The following SMIM20 variants were observed in gnomAD, a reference collection of about 807,000 sequenced individuals.
SMIM20 encodes small integral membrane protein 20.
In SMIM20, 3 loss-of-function variants were observed where a neutral mutation model predicts 8.7. The observed-to-expected ratio is 0.34, with a 90% CI of 0.16 to 0.89. The LOEUF (loss-of-function observed/expected upper bound fraction) is 0.89. Ranked by LOEUF, SMIM20 falls within the 40% of genes least tolerant of loss-of-function variation. The pLI is 0.49. For missense variants in SMIM20, 85 were observed against 84.8 expected (o/e 1.00, Z -0.01); for synonymous variants, 44 against 33.6 (o/e 1.31, Z -1.07).
At chr4:25,924,857 GA>G (rs1719258732) in intron 1 of SMIM20, among the ~76,000 whole-genome samples, 1 of 152,134 alleles carries the variant, frequency 6.6e-6, no homozygotes, top group Non-Finnish European at 1.5e-5. Flanking sequence ...TCTGAAAATG[GA>G]AAATGCTCCA....
At chr4:25,915,854 T>TGGGGGGGGGGGGG (rs1267183562) in intron 1 of SMIM20, among the ~76,000 whole-genome samples, 1 of 18,956 alleles carries the variant, frequency 5.3e-5, no homozygotes, top group Non-Finnish European at 1.0e-4. Flanking sequence ...CAACTTGGGA[T>TGGGGGGGGGGGGG]GGGGCGGGGG....
rs1282100866 is a variant in SMIM20, at chr4:25,919,931, C to T, written c.109+5509C>T. ...TATATGGTCACTGACTGTTTATCTT[C>T]ACCCGCGTTCTTTACTCACCGACGC... On this transcript the variant is annotated intron_variant, in intron 1 of 2. Coordinates refer to ENST00000506197, the MANE Select transcript of SMIM20 (RefSeq NM_001145432.3). Among the ~76,000 whole-genome samples the T allele has an allele frequency of 4.6e-5, 7 of 152,226 alleles. No individual in the cohort carries two copies. The South Asian group carries it at 1.0e-3, about 22-fold the overall frequency.
At chr4:25,927,123 T>C (rs1711529870) in intron 1 of SMIM20, among the ~76,000 whole-genome samples, 1 of 152,228 alleles carries the variant, frequency 6.6e-6, no homozygotes, top group African/African-American at 2.4e-5. Flanking sequence ...ATTCATCCGC[T>C]ACTTTTCAGA....
intron 1 of SMIM20, among the ~76,000 whole-genome samples, chr4:25,918,874 T>A (rs1163238362): frequency 6.7e-6 from 1 of 148,972 alleles, no homozygotes; most frequent in Admixed American, 6.7e-5. Context: ...GCAGACTTTG[T>A]CCTTATGTGA....
In SMIM20 at chr4:25,914,231, G is replaced by T. The variant is rs756587357; in HGVS notation, c.-83G>T. On this transcript the variant is annotated 5_prime_UTR_variant, in exon 1 of 3. Coordinates refer to ENST00000506197, the MANE Select transcript of SMIM20 (RefSeq NM_001145432.3). ...GAAAGCCTCTCCACCTCTTCCGAGC[G>T]GGGTCACGGCCCGGCCGTCGGTAAC... The T allele has an allele frequency of 2.0e-6, 3 of 1,502,158 alleles. No individual in the cohort carries two copies. Among genetic ancestry groups the T allele is most frequent in the South Asian group, 2.5e-5 (2 of 79,126 alleles). The allele number at this position is 1,502,158 out of a possible 1,614,324, so 93.1% of individuals were successfully genotyped here.
intron 1 of SMIM20, among the ~76,000 whole-genome samples, chr4:25,915,225 C>T (rs1719062891): frequency 6.6e-6 from 1 of 152,130 alleles, no homozygotes; most frequent in Non-Finnish European, 1.5e-5. Flanking sequence ...CTTAATCATT[C>T]CAGTCCTATC....
chr4:25,917,386 T>C (rs1464016711), intron 1 of SMIM20, among the ~76,000 whole-genome samples: 3 of 152,144 alleles, frequency 2.0e-5, no homozygotes, highest in Non-Finnish European at 4.4e-5. Flanking sequence ...AGTCTTATAT[T>C]AGATATTTTA....
rs549348707 is a variant in SMIM20 at position 25,914,334 on chromosome 4, C to T, written c.21C>T (p.Thr7=). ...ACGCCATGTCCCGGAACCTGCGCAC[C>T]GCGCTCATTTTCGGCGGCTTCATCT... MSRNLR[T]ALIFGGFISL... is the part of the protein sequence containing the mutation. Residue 7 remains threonine (T), a synonymous_variant, in exon 1 of 3, where the codon ACC becomes ACT. Coordinates refer to ENST00000506197, the MANE Select transcript of SMIM20 (RefSeq NM_001145432.3). 89 of 1,550,614 alleles carry T rather than the reference C, an allele frequency of 5.7e-5. No homozygotes were observed. The highest frequency in any genetic ancestry group is 1.4e-4 in the Admixed American group (7 of 50,916).
At chr4:25,918,393 A>G (rs1719134206) in intron 1 of SMIM20, among the ~76,000 whole-genome samples, 1 of 152,198 alleles carries the variant, frequency 6.6e-6, no homozygotes, top group Admixed American at 6.5e-5. Flanking sequence ...TATTAGGTGC[A>G]TACAATCTAG....
intron 2 of SMIM20, 100 bp from the exon 3 acceptor site, chr4:25,929,054 G>A: frequency 7.1e-7 from 1 of 1,404,206 alleles, no homozygotes; most frequent in South Asian, 1.3e-5. Flanking sequence ...ACTGTAAATT[G>A]CACAGCTCAG....
At chr4:25,928,691 C>G (rs1162613389) in intron 2 of SMIM20, among the ~76,000 whole-genome samples, 1 of 152,182 alleles carries the variant, frequency 6.6e-6, no homozygotes, top group African/African-American at 2.4e-5. Context: ...TACCAAGCAC[C>G]TATTTAAACA....
chr4:25,922,697 G>C (rs1719220930), intron 1 of SMIM20, among the ~76,000 whole-genome samples: 1 of 152,182 alleles, frequency 6.6e-6, no homozygotes, highest in Non-Finnish European at 1.5e-5. Flanking sequence ...ATTCTTGGAT[G>C]GACAGGGCAG....
chr4:25,918,889 CT>C (rs775952783), intron 1 of SMIM20, among the ~76,000 whole-genome samples: 359 of 91,658 alleles, frequency 3.9e-3, no homozygotes, highest in African/African-American at 9.2e-3. Flanking sequence ...ATGTGAATAT[CT>C]TTTTTTTTTT....
At chr4:25,927,381 T>G (rs1172588581) in intron 1 of SMIM20, among the ~76,000 whole-genome samples, 1 of 152,230 alleles carries the variant, frequency 6.6e-6, no homozygotes, top group Non-Finnish European at 1.5e-5. Context: ...CTGTTTCTTG[T>G]ACCGTTACGT....
chr4:25,915,749 A>G (rs1006557476), intron 1 of SMIM20, among the ~76,000 whole-genome samples: 2 of 151,486 alleles, frequency 1.3e-5, no homozygotes, highest in African/African-American at 4.9e-5. Flanking sequence ...CCCATTGGAA[A>G]AGTCAGTTCT....
At chr4:25,927,563 C>T (rs895891081) in intron 1 of SMIM20, among the ~76,000 whole-genome samples, 2 of 152,186 alleles carry the variant, frequency 1.3e-5, no homozygotes, top group African/African-American at 4.8e-5. Context: ...CTAAGGCTTT[C>T]TCCTGAAAAG....
rs1282858157 is a variant in SMIM20 at position 25,929,810 on chromosome 4, C to G, written c.*619C>G. 6.6e-6 allele frequency: 1 copy of G among 152,198 alleles called. No homozygotes were observed. The highest frequency in any genetic ancestry group is 2.4e-5 in the African/African-American group (1 of 41,460). The allele number at this position is 152,198 out of a possible 1,614,324, so 9.4% of individuals were successfully genotyped here. A position where few individuals can be genotyped will look rare whatever the true frequency, so the allele number is the denominator to read the frequency against. ...AAATAGACATTAAAATGATTTATTT[C>G]TACTTTGCAGTGGTGTCTTTTTGTA... On this transcript the variant is annotated 3_prime_UTR_variant, in exon 3 of 3. Transcript: ENST00000506197.
intron 1 of SMIM20, 77 bp downstream of exon 1, chr4:25,914,499 C>A (rs926324102): frequency 6.1e-6 from 8 of 1,317,960 alleles, no homozygotes; most frequent in Non-Finnish European, 8.0e-6. Context: ...CCACGTGGTG[C>A]CGTGGAAAGA....
intron 1 of SMIM20, among the ~76,000 whole-genome samples, chr4:25,923,618 G>A (rs1055722942): frequency 3.2e-4 from 48 of 152,330 alleles, no homozygotes; most frequent in African/African-American, 9.9e-4. Flanking sequence ...AAGGCCACAG[G>A]GGAGAGCTGT....
Sources: gnomAD v4.1 joint callset for allele counts (sites outside exome capture counted in the v4.1 genomes callset) on GRCh38, gnomAD v4.1.1 for gene constraint, MANE v1.5 for transcripts, NCBI Gene and HGNC (gene_info 2026-07-23, HGNC 2026-07-21) for gene names.